The following SMC1B variants were observed in gnomAD, a reference collection of about 807,000 sequenced individuals.
SMC1B encodes structural maintenance of chromosomes 1B.
A neutral mutation model predicts 157.9 loss-of-function variants in SMC1B; 60 were observed. The ratio of observed to expected loss-of-function variants is 0.38; its 90% CI spans 0.31 to 0.47. The LOEUF is 0.47. Ranked by LOEUF, SMC1B falls within the 20% of genes least tolerant of loss-of-function variation. The pLI, the probability that SMC1B is intolerant of heterozygous loss-of-function variation, is 0.99. For synonymous variants in SMC1B, 445 were observed against 483.0 expected (o/e 0.92, Z 1.03); for missense variants, 1,165 against 1,426.2 (o/e 0.82, Z 2.95).
intron 15 of SMC1B, among the ~76,000 whole-genome samples, chr22:45,363,935 G>GC (rs2086747351): frequency 6.6e-6 from 1 of 151,236 alleles, no homozygotes; most frequent in African/African-American, 2.4e-5. Context: ...TGCAACCTCC[G>GC]CCCCCTGGGT....
Position 45,354,897 on chromosome 22 carries a change from A to T in SMC1B, c.3118+62T>A, listed in dbSNP as rs149442651. 1,988 of 1,518,178 alleles carry T rather than the reference A, an allele frequency of 1.3e-3. 1 individual carries two copies. Among genetic ancestry groups the T allele is most frequent in the Non-Finnish European group, 1.7e-3 (1,886 of 1,099,306 alleles). The allele number at this position is 1,518,178 out of a possible 1,614,324, so 94.0% of individuals were successfully genotyped here. A position where few individuals can be genotyped will look rare whatever the true frequency, so the allele number is the denominator to read the frequency against. Reference sequence around the variant, plus strand: ...GACAACAGAGGGGAGATTGTTGGCAAATGTTATAGCAATCAAAACACCCAT... The same window carrying T: ...GACAACAGAGGGGAGATTGTTGGCATATGTTATAGCAATCAAAACACCCAT... On this transcript the variant is annotated intron_variant, in intron 20 of 24. Coordinates refer to ENST00000357450, the MANE Select transcript of SMC1B (RefSeq NM_148674.5).
chr22:45,353,463 T>C (rs147624193), intron 21 of SMC1B, among the ~76,000 whole-genome samples: 2 of 152,048 alleles, frequency 1.3e-5, no homozygotes, highest in African/African-American at 4.8e-5. Flanking sequence ...CACATTCAAT[T>C]CCACAAGTAT....
Position 45,402,494 on chromosome 22 carries a change from A to G in SMC1B, c.693T>C (p.Asn231=). 2 of 1,613,958 alleles carry G rather than the reference A, an allele frequency of 1.2e-6. No individual in the cohort carries two copies. Among genetic ancestry groups the G allele is most frequent in the Non-Finnish European group, 1.7e-6 (2 of 1,179,942 alleles). The change falls in exon 5 of 25, where the codon AAT becomes AAC. Residue 231 remains asparagine, a synonymous_variant. Transcript: ENST00000357450. ...TGTTCAGGAGATGAATCTTTTTCTCATTATGGTATAGTTGAAAAAGCTGCA... is the reference window on the plus strand; with the variant it reads ...TGTTCAGGAGATGAATCTTTTTCTCGTTATGGTATAGTTGAAAAAGCTGCA... ...IQLQLFQLYH[N]EKKIHLLNTK... is the part of the protein sequence containing the mutation.
chr22:45,348,999 C>T (rs1019248337), intron 23 of SMC1B, among the ~76,000 whole-genome samples: 1 of 150,220 alleles, frequency 6.7e-6, no homozygotes, highest in African/African-American at 2.5e-5. Context: ...CCACCAAGCC[C>T]AGCCTACAAG....
chr22:45,379,531 C>A (rs930881625), intron 12 of SMC1B, among the ~76,000 whole-genome samples: 1 of 152,026 alleles, frequency 6.6e-6, no homozygotes, highest in South Asian at 2.1e-4. Context: ...TGTCCCCCTG[C>A]GTCCAATATA....
intron 9 of SMC1B, among the ~76,000 whole-genome samples, chr22:45,391,121 C>T (rs2087054027): frequency 6.6e-6 from 1 of 150,956 alleles, no homozygotes; most frequent in South Asian, 2.1e-4. Flanking sequence ...TGGTCTCAAA[C>T]TCAAGTATTC....
At chr22:45,394,090 G>A (rs1208499924) in intron 8 of SMC1B, among the ~76,000 whole-genome samples, 1 of 152,100 alleles carries the variant, frequency 6.6e-6, no homozygotes, top group Non-Finnish European at 1.5e-5. Flanking sequence ...GAGAGGTTGA[G>A]TGGGTGGCTG....
intron 12 of SMC1B, among the ~76,000 whole-genome samples, chr22:45,375,107 A>C (rs1057336259): frequency 6.6e-6 from 1 of 152,244 alleles, no homozygotes; most frequent in Non-Finnish European, 1.5e-5. Context: ...CCTGCCTCCT[A>C]TTCTATTCAG....
At position 45,344,642 on chromosome 22, in the gene SMC1B, A is replaced by G. The variant is rs1467909967; in HGVS notation, c.3622T>C (p.Phe1208Leu). 1.9e-6 allele frequency: 3 copies of G among 1,613,692 alleles called. No individual in the cohort carries two copies. In the Admixed American group the frequency reaches 5.0e-5, roughly 27 times the overall value. The change falls in exon 25 of 25, where the codon TTC (phenylalanine) becomes CTC (leucine). Residue 1208 changes from phenylalanine (F) to leucine (L), a missense_variant. Physicochemically the swap from Phe to Leu is conservative, Grantham distance 22 (BLOSUM62 0). Transcript: ENST00000357450. Reference sequence around the variant, plus strand: ...AGATCTAGGGTCAAAACTCGGCTGAACATGCAGTCATCGTACTAAAATGGA... The same window carrying G: ...AGATCTAGGGTCAAAACTCGGCTGAGCATGCAGTCATCGTACTAAAATGGA... ...GIYPEYDDCM[F>L]SRVLTLDLSQ... is the part of the protein sequence containing the mutation.
chr22:45,367,190 A>G (rs1282794598), intron 15 of SMC1B, among the ~76,000 whole-genome samples: 1 of 152,110 alleles, frequency 6.6e-6, no homozygotes, highest in Admixed American at 6.5e-5. Flanking sequence ...ATGTACATCT[A>G]TCTCTTCACA....
chr22:45,352,081 T>A (rs537884387), intron 22 of SMC1B, among the ~76,000 whole-genome samples: 16 of 152,100 alleles, frequency 1.1e-4, no homozygotes, highest in African/African-American at 2.9e-4. Flanking sequence ...ATAACAGAAA[T>A]TGAATAAAAA....
At chr22:45,377,564 G>T (rs2086895150) in intron 12 of SMC1B, among the ~76,000 whole-genome samples, 1 of 151,764 alleles carries the variant, frequency 6.6e-6, no homozygotes, top group Non-Finnish European at 1.5e-5. Flanking sequence ...CTTGAACCCG[G>T]GAGGCAGAGG....
intron 12 of SMC1B, among the ~76,000 whole-genome samples, chr22:45,373,506 T>C (rs1405598081): frequency 6.6e-6 from 1 of 152,256 alleles, no homozygotes; most frequent in African/African-American, 2.4e-5. Context: ...TAAATAGCTA[T>C]ATCTTGAATT....
chr22:45,411,620 G>A (rs971495358), intron 1 of SMC1B, among the ~76,000 whole-genome samples: 2 of 152,186 alleles, frequency 1.3e-5, no homozygotes, highest in East Asian at 1.9e-4. Context: ...GTCTTGTTCT[G>A]TTGTTGCCCA....
chr22:45,394,629 C>T, intron 8 of SMC1B, 56 bp downstream of exon 8: 1 of 1,436,732 alleles, frequency 7.0e-7, no homozygotes, highest in Non-Finnish European at 9.2e-7. Flanking sequence ...GGAGTGAGAC[C>T]CTCTCTCAAA....
At chr22:45,373,940 T>C (rs1048703363) in intron 12 of SMC1B, among the ~76,000 whole-genome samples, 1 of 152,096 alleles carries the variant, frequency 6.6e-6, no homozygotes. Flanking sequence ...AAATATATTG[T>C]AGGAAAACAT....
At chr22:45,357,315 G>A (rs2086679516) in intron 19 of SMC1B, among the ~76,000 whole-genome samples, 1 of 152,178 alleles carries the variant, frequency 6.6e-6, no homozygotes, top group South Asian at 2.1e-4. Context: ...ATGGCTACAG[G>A]GATGACTGGG....
chr22:45,377,103 T>C (rs2086890591), intron 12 of SMC1B, among the ~76,000 whole-genome samples: 1 of 152,260 alleles, frequency 6.6e-6, no homozygotes, highest in Non-Finnish European at 1.5e-5. Context: ...TGGTAATTTA[T>C]ATTTTCTAAA....
At chr22:45,373,631 C>G (rs533411954) in intron 12 of SMC1B, among the ~76,000 whole-genome samples, 1 of 152,202 alleles carries the variant, frequency 6.6e-6, no homozygotes, top group Admixed American at 6.5e-5. Flanking sequence ...AAACTATAAC[C>G]TAACTTCCTC....
Sources: allele counts gnomAD v4.1 joint callset (sites outside exome capture counted in the v4.1 genomes callset), GRCh38; gene constraint gnomAD v4.1.1; transcripts MANE v1.5; gene names NCBI Gene and HGNC (gene_info 2026-07-23, HGNC 2026-07-21).